TMCC1: variants seen among roughly 807,000 people sequenced by gnomAD.
TMCC1 encodes the protein transmembrane and coiled-coil domains protein 1.
Under a neutral mutation model 52.4 loss-of-function variants are expected in TMCC1, and 15 were observed. That is an observed-to-expected ratio of 0.29 (90% CI 0.19 to 0.44). The LOEUF (loss-of-function observed/expected upper bound fraction) is 0.44, where lower values mean the gene tolerates loss of function less well. Ranked by LOEUF, TMCC1 falls within the 20% of genes least tolerant of loss-of-function variation. The probability of loss-of-function intolerance (pLI) is 1.00; values close to 1 mark genes in which losing one functional copy is unlikely to be tolerated. For missense variants in TMCC1, 503 were observed against 806.0 expected, an observed-to-expected ratio of 0.62 and a Z score of 4.55; for synonymous variants, 279 against 301.9, an observed-to-expected ratio of 0.92 and a Z score of 0.79.
intron 4 of TMCC1, among the ~76,000 whole-genome samples, chr3:129,796,231 T>C (rs1225309887): frequency 2.0e-5 from 3 of 152,212 alleles, no homozygotes; most frequent in Non-Finnish European, 2.9e-5. Context: ...ACATGCTATA[T>C]AGGTTTGTAG....
chr3:129,835,175 C>T (rs2059100521), intron 2 of TMCC1, among the ~76,000 whole-genome samples: 1 of 152,158 alleles, frequency 6.6e-6, no homozygotes, highest in Non-Finnish European at 1.5e-5. Flanking sequence ...CTCCCTCTTT[C>T]CTTTGATCCT....
At chr3:129,882,371 C>T (rs2061499203) in intron 1 of TMCC1, among the ~76,000 whole-genome samples, 1 of 151,482 alleles carries the variant, frequency 6.6e-6, no homozygotes, top group African/African-American at 2.4e-5. Flanking sequence ...ACAACAAGTG[C>T]TGGCAAGGAT....
At chr3:129,719,642 G>A (rs1271679517) in intron 4 of TMCC1, among the ~76,000 whole-genome samples, 2 of 152,182 alleles carry the variant, frequency 1.3e-5, no homozygotes, top group Non-Finnish European at 2.9e-5. Flanking sequence ...AGGATACCCA[G>A]CTGGTGTCTG....
At chr3:129,793,187 A>C (rs1305748779) in intron 4 of TMCC1, among the ~76,000 whole-genome samples, 1 of 152,078 alleles carries the variant, frequency 6.6e-6, no homozygotes, top group Non-Finnish European at 1.5e-5. Context: ...ACACACACAC[A>C]CACCATGGAG....
At chr3:129,686,688 C>CAAAGAA in intron 4 of TMCC1, among the ~76,000 whole-genome samples, 1 of 151,782 alleles carries the variant, frequency 6.6e-6, no homozygotes. Context: ...TAAAGTGCTA[C>CAAAGAA]AAAGAAAAAG....
At chr3:129,756,079 C>T (rs1448678979) in intron 4 of TMCC1, among the ~76,000 whole-genome samples, 1 of 133,822 alleles carries the variant, frequency 7.5e-6, no homozygotes, top group Non-Finnish European at 1.5e-5. Flanking sequence ...GCCTGGGCCA[C>T]AGAGCAAGAC....
At chr3:129,776,064 C>T (rs12485251) in intron 4 of TMCC1, among the ~76,000 whole-genome samples, 12,379 of 152,230 alleles carry the variant, frequency 0.081, 670 homozygotes, top group East Asian at 0.17. Flanking sequence ...CCCCACTTCC[C>T]TTTTACTCCT....
chr3:129,731,979 C>T (rs150095738), intron 4 of TMCC1, among the ~76,000 whole-genome samples: 147 of 152,330 alleles, frequency 9.7e-4, no homozygotes, highest in Middle Eastern at 6.8e-3. Flanking sequence ...AATGCCTACA[C>T]ATCACTTCAT....
chr3:129,752,352 A>T (rs1018307217), intron 4 of TMCC1, among the ~76,000 whole-genome samples: 10 of 152,148 alleles, frequency 6.6e-5, no homozygotes, highest in Non-Finnish European at 1.3e-4. Context: ...AGGGGATTTT[A>T]AAAAAACCAA....
At chr3:129,872,307 A>T (rs572544715) in intron 2 of TMCC1, among the ~76,000 whole-genome samples, 1 of 152,312 alleles carries the variant, frequency 6.6e-6, no homozygotes, top group African/African-American at 2.4e-5. Flanking sequence ...ATGTAATGAG[A>T]CATTACACAG....
intron 4 of TMCC1, among the ~76,000 whole-genome samples, chr3:129,813,656 GGGA>G (rs1049416517): frequency 3.9e-5 from 6 of 152,082 alleles, no homozygotes; most frequent in Non-Finnish European, 7.4e-5. Flanking sequence ...GGTGGAGAGT[GGGA>G]GGAGGGTGAG....
intron 6 of TMCC1, among the ~76,000 whole-genome samples, chr3:129,652,619 C>T (rs895221960): frequency 6.6e-6 from 1 of 152,310 alleles, no homozygotes; most frequent in Non-Finnish European, 1.5e-5. Flanking sequence ...AAAAAATTAA[C>T]TGGTGTTAAT....
At chr3:129,849,373 T>A (rs995215775) in intron 2 of TMCC1, among the ~76,000 whole-genome samples, 12 of 151,762 alleles carry the variant, frequency 7.9e-5, no homozygotes, top group African/African-American at 2.7e-4. Context: ...GGCATGAGAA[T>A]CGCTTGAACC....
At chr3:129,727,364 T>C (rs1323800856) in intron 4 of TMCC1, among the ~76,000 whole-genome samples, 2 of 152,188 alleles carry the variant, frequency 1.3e-5, no homozygotes, top group Non-Finnish European at 2.9e-5. Flanking sequence ...TGAGGTTTTT[T>C]GGAACCTTAC....
intron 4 of TMCC1, among the ~76,000 whole-genome samples, chr3:129,709,658 TGAA>T (rs1438871401): frequency 6.6e-6 from 1 of 151,886 alleles, no homozygotes; most frequent in Non-Finnish European, 1.5e-5. Flanking sequence ...TAACTAGAAA[TGAA>T]GAACATTCTG....
intron 4 of TMCC1, among the ~76,000 whole-genome samples, chr3:129,758,265 A>G (rs2053190748): frequency 1.3e-5 from 2 of 152,198 alleles, no homozygotes; most frequent in Admixed American, 1.3e-4. Flanking sequence ...AAGCAAAAAG[A>G]AAAGGCAAGA....
chr3:129,742,630 A>G (rs180828280), intron 4 of TMCC1, among the ~76,000 whole-genome samples: 1 of 152,290 alleles, frequency 6.6e-6, no homozygotes, highest in Non-Finnish European at 1.5e-5. Context: ...GCATGTTTGG[A>G]AAATAGTCTG....
At chr3:129,661,082 AAGTTCTTCTCAAGCTG>A (rs2086990210) in intron 5 of TMCC1, among the ~76,000 whole-genome samples, 1 of 152,262 alleles carries the variant, frequency 6.6e-6, no homozygotes, top group African/African-American at 2.4e-5. Context: ...AATTAACAGC[AAGTTCTTCTCAAGCTG>A]AGTCTTCCCA....
chr3:129,789,090 G>GGTAT (rs2056261992), intron 4 of TMCC1, among the ~76,000 whole-genome samples: 1 of 152,128 alleles, frequency 6.6e-6, no homozygotes, highest in South Asian at 2.1e-4. Context: ...AAGAAGGAAA[G>GGTAT]GTATGTCCTT....
Sources: allele counts gnomAD v4.1 joint callset (sites outside exome capture counted in the v4.1 genomes callset), GRCh38; gene constraint gnomAD v4.1.1; transcripts MANE v1.5; gene names NCBI Gene and HGNC (gene_info 2026-07-23, HGNC 2026-07-21).